RAD18: variants seen among roughly 807,000 people sequenced by gnomAD.
RAD18 encodes the protein RAD18 E3 ubiquitin protein ligase, also known as E3 ubiquitin-protein ligase RAD18.
Under a neutral mutation model 60.4 loss-of-function variants are expected in RAD18, and 47 were observed. That is an observed-to-expected ratio of 0.78 (90% confidence interval 0.62 to 0.99). The LOEUF (loss-of-function observed/expected upper bound fraction) is 0.99. Ranked by LOEUF, RAD18 falls within the 50% of genes least tolerant of loss-of-function variation. The pLI is 0.00. For synonymous variants in RAD18, 225 were observed against 195.5 expected (o/e 1.15, Z -1.26); for missense variants, 640 against 593.3 (o/e 1.08, Z -0.82).
chr3:8,948,480 A>G (rs374475146), intron 3 of RAD18, 29 bp downstream of exon 3: 26 of 1,578,246 alleles, frequency 1.6e-5, no homozygotes, highest in Non-Finnish European at 2.3e-5. Context: ...GCAGTCAGTA[A>G]GTTTTAAAAA....
intron 2 of RAD18, among the ~76,000 whole-genome samples, chr3:8,951,122 T>C (rs1940919486): frequency 6.6e-6 from 1 of 152,228 alleles, no homozygotes; most frequent in Non-Finnish European, 1.5e-5. Context: ...TCCAAATTAA[T>C]GTTAAACACT....
intron 11 of RAD18, among the ~76,000 whole-genome samples, chr3:8,891,754 A>G (rs552070717): frequency 6.6e-6 from 1 of 152,326 alleles, no homozygotes; most frequent in South Asian, 2.1e-4. Context: ...GGAGGTTCAG[A>G]ATTTTATCTA....
chr3:8,905,198 G>A (rs1185647575), intron 9 of RAD18, among the ~76,000 whole-genome samples: 1 of 152,220 alleles, frequency 6.6e-6, no homozygotes, highest in Non-Finnish European at 1.5e-5. Context: ...GGCTCAGCTA[G>A]TCGTGGGAGT....
intron 11 of RAD18, among the ~76,000 whole-genome samples, chr3:8,890,953 C>T (rs1396566686): frequency 6.6e-6 from 1 of 152,070 alleles, no homozygotes; most frequent in African/African-American, 2.4e-5. Flanking sequence ...TATCATCTTC[C>T]TAAGCAGCCT....
intron 7 of RAD18, among the ~76,000 whole-genome samples, chr3:8,923,582 C>A (rs906511733): frequency 6.6e-6 from 1 of 151,896 alleles, no homozygotes; most frequent in Non-Finnish European, 1.5e-5. Context: ...AGATACTCCT[C>A]GAGAAGAGCA....
chr3:8,897,959 C>A (rs539243155), intron 11 of RAD18, among the ~76,000 whole-genome samples: 1 of 151,980 alleles, frequency 6.6e-6, no homozygotes, highest in African/African-American at 2.4e-5. Context: ...GTAATCCCAG[C>A]CACTTGGGAA....
chr3:8,908,676 A>G (rs868593171), intron 9 of RAD18, among the ~76,000 whole-genome samples: 2 of 152,202 alleles, frequency 1.3e-5, no homozygotes, highest in African/African-American at 4.8e-5. Context: ...TGTTTTGGCA[A>G]CCCTAGCACA....
chr3:8,963,353 C>A lies in RAD18; in HGVS notation c.33G>T (p.Pro11=). The A allele has an allele frequency of 1.9e-6, 3 of 1,611,846 alleles. No individual in the cohort carries two copies. The highest frequency in any genetic ancestry group is 2.5e-6 in the Non-Finnish European group (3 of 1,179,122). ...CACTCACCTTCATGACTGCCAGGCCCGGAGGCCACCGAGACTCGGCCAGGG... is the reference window on the plus strand; with the variant it reads ...CACTCACCTTCATGACTGCCAGGCCAGGAGGCCACCGAGACTCGGCCAGGG... MDSLAESRWP[P]GLAVMKTIDD... Residue 11 remains proline, a synonymous_variant, in exon 1 of 13, where the codon CCG becomes CCT. Transcript: ENST00000264926.
chr3:8,953,077 A>G (rs889912921), intron 2 of RAD18, among the ~76,000 whole-genome samples: 2 of 151,896 alleles, frequency 1.3e-5, no homozygotes, highest in African/African-American at 2.4e-5. Context: ...AAGTCAAATC[A>G]TGGTAAGTCA....
chr3:8,958,284 C>G (rs1239311617), intron 2 of RAD18, among the ~76,000 whole-genome samples: 2 of 152,156 alleles, frequency 1.3e-5, no homozygotes, highest in Admixed American at 6.5e-5. Context: ...AAATAGAGGA[C>G]AAGAAAGATC....
At chr3:8,959,136 G>T in intron 1 of RAD18, 135 bp from the exon 2 acceptor site, 1 of 694,798 alleles carries the variant, frequency 1.4e-6, no homozygotes, top group Admixed American at 2.4e-5. Flanking sequence ...GCTAACTCCA[G>T]ATAAACTGCA....
At chr3:8,955,800 C>A (rs578051754) in intron 2 of RAD18, among the ~76,000 whole-genome samples, 2 of 152,162 alleles carry the variant, frequency 1.3e-5, no homozygotes, top group Non-Finnish European at 2.9e-5. Flanking sequence ...AAAAGGCTTA[C>A]GAAGCCCCTA....
intron 7 of RAD18, among the ~76,000 whole-genome samples, chr3:8,915,555 G>A (rs531460984): frequency 8.6e-5 from 13 of 151,966 alleles, no homozygotes; most frequent in East Asian, 1.9e-4. Context: ...TGGACACAGC[G>A]GGCATCACAT....
At chr3:8,926,382 C>A (rs1175107365) in intron 7 of RAD18, among the ~76,000 whole-genome samples, 6 of 152,186 alleles carry the variant, frequency 3.9e-5, no homozygotes, top group African/African-American at 7.2e-5. Context: ...AGGAGAACTA[C>A]AAACCATTGC....
chr3:8,884,193 G>C (rs45468699), intron 12 of RAD18, among the ~76,000 whole-genome samples: 4,293 of 152,230 alleles, frequency 0.028, 195 homozygotes, highest in African/African-American at 0.097. Context: ...GGAGAGAGAA[G>C]GATGAGAACA....
At chr3:8,920,280 A>G (rs1331185232) in intron 7 of RAD18, among the ~76,000 whole-genome samples, 1 of 125,158 alleles carries the variant, frequency 8.0e-6, no homozygotes, top group Non-Finnish European at 1.5e-5. Context: ...CTCCGTCTCA[A>G]AAAAAAAAAA....
intron 11 of RAD18, among the ~76,000 whole-genome samples, chr3:8,895,139 C>T (rs1939763113): frequency 6.6e-6 from 1 of 151,416 alleles, no homozygotes; most frequent in Admixed American, 6.6e-5. Context: ...AAAAAAAACT[C>T]ACCACCTGAA....
Position 8,948,661 on chromosome 3 carries a change from T to C in RAD18, c.134-91A>G. On this transcript the variant is annotated intron_variant, in intron 2 of 12. Coordinates refer to ENST00000264926, the MANE Select transcript of RAD18 (RefSeq NM_020165.4). ...TAACAAAATCTTAAGCCCTAGACTA[T>C]TTCCGTCATCTAAGGTATATCATCA... The C allele has an allele frequency of 6.4e-6, 7 of 1,094,152 alleles. No individual in the cohort carries two copies. In the South Asian group the frequency reaches 8.7e-5, roughly 14 times the overall value. 67.8% of individuals were successfully genotyped at this position (1,094,152 alleles called of 1,614,324 possible).
chr3:8,951,939 G>C (rs1023190034), intron 2 of RAD18, among the ~76,000 whole-genome samples: 1 of 152,180 alleles, frequency 6.6e-6, no homozygotes, highest in Non-Finnish European at 1.5e-5. Context: ...CCCATGAGGG[G>C]GTGAGGAGTG....
Sources: gnomAD v4.1 joint callset for allele counts (sites outside exome capture counted in the v4.1 genomes callset) on GRCh38, gnomAD v4.1.1 for gene constraint, MANE v1.5 for transcripts, NCBI Gene and HGNC (gene_info 2026-07-23, HGNC 2026-07-21) for gene names.